The following GABRB3 variants were observed in gnomAD, a reference collection of about 807,000 sequenced individuals.
GABRB3 encodes gamma-aminobutyric acid type A receptor subunit beta3.
Under a neutral mutation model 52.1 loss-of-function variants are expected in GABRB3, and 14 were observed. That is an observed-to-expected ratio of 0.27 (90% confidence interval 0.18 to 0.42). The LOEUF (loss-of-function observed/expected upper bound fraction) is 0.42, where lower values mean the gene tolerates loss of function less well. Ranked by LOEUF, GABRB3 falls within the 10% of genes least tolerant of loss-of-function variation. GABRB3 has a pLI of 1.00. For missense variants in GABRB3, 307 were observed against 609.1 expected (o/e 0.50, Z 5.22); for synonymous variants, 260 against 232.3 (o/e 1.12, Z -1.08).
At chr15:26,629,121 GGA>G in intron 3 of GABRB3, 2 of 1,528,530 alleles carry the variant, frequency 1.3e-6, no homozygotes, top group Non-Finnish European at 1.8e-6. Context: ...GCTCTTTACA[GGA>G]GAGGCTGAAG....
At chr15:26,579,514 T>C (rs1295411685) in intron 6 of GABRB3, among the ~76,000 whole-genome samples, 2 of 152,202 alleles carry the variant, frequency 1.3e-5, no homozygotes, top group Non-Finnish European at 2.9e-5. Context: ...ATCACAGGAC[T>C]GGGGTCAATT....
intron 4 of GABRB3, chr15:26,612,659 A>G (rs1892113666): frequency 6.6e-6 from 1 of 152,266 alleles, no homozygotes; most frequent in Admixed American, 6.5e-5. Context: ...GAAACATTGA[A>G]TATAGTATAT....
chr15:26,751,213 G>C (rs1179239975), intron 3 of GABRB3, among the ~76,000 whole-genome samples: 2 of 152,202 alleles, frequency 1.3e-5, no homozygotes, highest in African/African-American at 4.8e-5. Flanking sequence ...AGGCTATCTA[G>C]AATTCACAGG....
intron 7 of GABRB3, among the ~76,000 whole-genome samples, chr15:26,566,889 CA>C: frequency 6.6e-6 from 1 of 152,180 alleles, no homozygotes; most frequent in East Asian, 1.9e-4. Flanking sequence ...CAACCCTATC[CA>C]AAGGGATGGA....
intron 6 of GABRB3, among the ~76,000 whole-genome samples, chr15:26,574,026 G>A (rs772871007): frequency 1.4e-4 from 22 of 152,124 alleles, no homozygotes; most frequent in Middle Eastern, 3.2e-3. Context: ...ACTCCAGCCC[G>A]GGCGACAGAC....
intron 3 of GABRB3, among the ~76,000 whole-genome samples, chr15:26,684,083 C>T (rs972638119): frequency 5.3e-5 from 8 of 152,118 alleles, no homozygotes; most frequent in Admixed American, 1.3e-4. Flanking sequence ...AGGGTGTGCA[C>T]GGTTAGGTTA....
intron 3 of GABRB3, among the ~76,000 whole-genome samples, chr15:26,761,326 C>A (rs1890816128): frequency 6.6e-6 from 1 of 151,682 alleles, no homozygotes; most frequent in African/African-American, 2.4e-5. Context: ...ACCCGGGAGT[C>A]TGAGGTTGCA....
chr15:26,649,645 G>GA (rs1463468964), intron 3 of GABRB3, among the ~76,000 whole-genome samples: 1 of 125,222 alleles, frequency 8.0e-6, no homozygotes, highest in African/African-American at 3.4e-5. Flanking sequence ...AAGAAAGCAG[G>GA]ACAGAGCCAA....
At chr15:26,749,597 A>C (rs1227365368) in intron 3 of GABRB3, among the ~76,000 whole-genome samples, 1 of 152,138 alleles carries the variant, frequency 6.6e-6, no homozygotes, top group Non-Finnish European at 1.5e-5. Context: ...GTTTCTACTC[A>C]GTGGTGGGTG....
chr15:26,745,449 AT>A (rs1679391418), intron 3 of GABRB3, among the ~76,000 whole-genome samples: 1 of 152,188 alleles, frequency 6.6e-6, no homozygotes, highest in Non-Finnish European at 1.5e-5. Context: ...CCACGACCTC[AT>A]TCAGATTTCA....
chr15:26,693,746 T>C (rs1888655563), intron 3 of GABRB3, among the ~76,000 whole-genome samples: 1 of 152,120 alleles, frequency 6.6e-6, no homozygotes, highest in Non-Finnish European at 1.5e-5. Context: ...GAGGGGAAAC[T>C]GCCGCTGTAG....
intron 3 of GABRB3, among the ~76,000 whole-genome samples, chr15:26,634,985 AATAT>A (rs1555372933): frequency 8.6e-4 from 5 of 5,840 alleles, no homozygotes; most frequent in Admixed American, 2.5e-3. Flanking sequence ...TGTATCTCTA[AATAT>A]ATATATATAT....
intron 3 of GABRB3, chr15:26,629,112 C>T: frequency 6.5e-7 from 1 of 1,534,982 alleles, no homozygotes. Flanking sequence ...TCCATCTCTG[C>T]TCTTTACAGG....
intron 3 of GABRB3, among the ~76,000 whole-genome samples, chr15:26,717,825 C>G (rs977600310): frequency 1.3e-5 from 2 of 152,206 alleles, no homozygotes; most frequent in African/African-American, 4.8e-5. Context: ...CAAGAGAACT[C>G]AACAGCTGTA....
chr15:26,550,579 T>G (rs1889419421), intron 8 of GABRB3, among the ~76,000 whole-genome samples: 1 of 152,214 alleles, frequency 6.6e-6, no homozygotes. Context: ...GAAAACAGTA[T>G]GGAGGTTTCT....
At chr15:26,615,722 T>C in intron 4 of GABRB3, 1 of 1,090,042 alleles carries the variant, frequency 9.2e-7, no homozygotes. Context: ...GTTCCCATAA[T>C]GGCTGGGCAT....
chr15:26,593,166 A>C (rs964072714), intron 4 of GABRB3, among the ~76,000 whole-genome samples: 2 of 152,210 alleles, frequency 1.3e-5, no homozygotes, highest in Admixed American at 1.3e-4. Context: ...ACCTACTCAA[A>C]GGCAGAAGCT....
At chr15:26,730,132 A>T (rs1304171327) in intron 3 of GABRB3, among the ~76,000 whole-genome samples, 1 of 152,218 alleles carries the variant, frequency 6.6e-6, no homozygotes, top group Non-Finnish European at 1.5e-5. Context: ...AATTCCTGAG[A>T]CATCTAGCAA....
At chr15:26,761,428 A>G (rs1890819142) in intron 3 of GABRB3, among the ~76,000 whole-genome samples, 1 of 152,088 alleles carries the variant, frequency 6.6e-6, no homozygotes, top group Non-Finnish European at 1.5e-5. Context: ...CATAAGAGAA[A>G]TTTTAGGGAT....
Sources: gnomAD v4.1 joint callset for allele counts (sites outside exome capture counted in the v4.1 genomes callset) on GRCh38, gnomAD v4.1.1 for gene constraint, MANE v1.5 for transcripts, NCBI Gene and HGNC (gene_info 2026-07-23, HGNC 2026-07-21) for gene names.